Variants in FBLN1 observed in about 807,000 individuals in gnomAD.
FBLN1 encodes the protein fibulin-1.
Under a neutral mutation model 89.7 loss-of-function variants are expected in FBLN1, and 34 were observed. The ratio of observed to expected loss-of-function variants is 0.38; its 90% confidence interval spans 0.29 to 0.50. The LOEUF (loss-of-function observed/expected upper bound fraction) is 0.50, where lower values mean the gene tolerates loss of function less well. FBLN1 is among the 20% of genes least tolerant of loss of function. The probability of loss-of-function intolerance (pLI) is 0.92; values close to 1 mark genes in which losing one functional copy is unlikely to be tolerated. For synonymous variants in FBLN1, 393 were observed against 391.3 expected, an observed-to-expected ratio of 1.00 and a Z score of -0.05; for missense variants, 777 against 988.1, an observed-to-expected ratio of 0.79 and a Z score of 2.86.
chr22:45,504,977 G>A (rs574978468), intron 1 of FBLN1, among the ~76,000 whole-genome samples: 55 of 152,344 alleles, frequency 3.6e-4, no homozygotes, highest in African/African-American at 1.3e-3. Context: ...GGCCCCCGAA[G>A]CCCTGTATGT....
chr22:45,588,030 C>T lies in FBLN1; in HGVS notation c.1972+10922C>T, dbSNP rs933684278. Among the ~76,000 whole-genome samples the T allele has an allele frequency of 8.5e-5, 13 of 152,316 alleles. No individual in the cohort carries two copies. Among genetic ancestry groups the T allele is most frequent in the Admixed American group, 2.6e-4 (4 of 15,298 alleles). ...CAGCAGTGACTAAGGCAGACATGAA[C>T]GCCTCTCTCATACACTTTTTATCCC... On this transcript the variant is annotated intron_variant, in intron 16 of 16. Transcript: ENST00000327858. The surrounding 1 kb of genome is among the most constrained non-coding windows in gnomAD (Gnocchi z 5.1).
chr22:45,506,915 TACA>T (rs1271060079), intron 1 of FBLN1, among the ~76,000 whole-genome samples: 2 of 152,270 alleles, frequency 1.3e-5, no homozygotes, highest in South Asian at 2.1e-4. Context: ...GCATATTTTA[TACA>T]ACAAGATTTT....
intron 1 of FBLN1, among the ~76,000 whole-genome samples, chr22:45,514,433 C>T (rs536675213): frequency 6.6e-6 from 1 of 152,294 alleles, no homozygotes; most frequent in South Asian, 2.1e-4. Flanking sequence ...AAGATCGAGG[C>T]ACATCTCCAA....
chr22:45,558,479 G>C (rs2088816244), intron 14 of FBLN1: 1 of 163,390 alleles, frequency 6.1e-6, no homozygotes, highest in Non-Finnish European at 1.3e-5. Flanking sequence ...ATGGGGGCCT[G>C]CCAAAGGCTG....
chr22:45,514,094 T>C (rs1322862316), intron 1 of FBLN1, among the ~76,000 whole-genome samples: 1 of 152,164 alleles, frequency 6.6e-6, no homozygotes, highest in African/African-American at 2.4e-5. Flanking sequence ...AGCTTGTTTA[T>C]TTAAAAGGGG....
Position 45,562,871 on chromosome 22 carries a change from C to T in FBLN1, c.1698-11640C>T. On this transcript the variant is annotated intron_variant, in intron 14 of 16. Transcript: ENST00000327858. The surrounding 1 kb of genome is among the most constrained non-coding windows in gnomAD (Gnocchi z 7.8). ...GCCGTTTCTCCGCTTGCTGGACCGG[C>T]CCTAACCCTCTTCTTGTCTCTCTGC... 6.3e-7 allele frequency: 1 copy of T among 1,592,186 alleles called. No individual in the cohort carries two copies. Among genetic ancestry groups the T allele is most frequent in the Non-Finnish European group, 8.6e-7 (1 of 1,164,498 alleles).
chr22:45,591,338 C>T (rs2089134632), intron 16 of FBLN1, among the ~76,000 whole-genome samples: 1 of 147,730 alleles, frequency 6.8e-6, no homozygotes, highest in Admixed American at 6.6e-5. Context: ...AATGTTAGTT[C>T]CCACGCCACA....
chr22:45,514,021 G>C (rs1033004760), intron 1 of FBLN1, among the ~76,000 whole-genome samples: 1 of 152,060 alleles, frequency 6.6e-6, no homozygotes, highest in Non-Finnish European at 1.5e-5. Flanking sequence ...TCGAACTCCT[G>C]ACCTCATGAT....
At chr22:45,538,455 T>C (rs561828757) in intron 8 of FBLN1, among the ~76,000 whole-genome samples, 8 of 152,370 alleles carry the variant, frequency 5.3e-5, no homozygotes, top group South Asian at 2.1e-4. Flanking sequence ...TTGAGACTTT[T>C]TGTTTTTTTA....
rs894157213 is a variant in FBLN1 at position 45,531,420 on chromosome 22, C to T, written c.544+96C>T. 18 of 1,085,006 alleles carry T rather than the reference C, an allele frequency of 1.7e-5. No individual in the cohort carries two copies. Among genetic ancestry groups the T allele is most frequent in the Non-Finnish European group, 2.4e-5 (17 of 705,238 alleles). The allele number at this position is 1,085,006 out of a possible 1,614,324, so 67.2% of individuals were successfully genotyped here. A position where few individuals can be genotyped will look rare whatever the true frequency, so the allele number is the denominator to read the frequency against. The stretch of plus-strand genomic sequence containing the variant: ...CTGTAATCCTAGTACTTTGGGAAGC[C>T]AAGGCAGGAGGATTCCTTGAGCCCA... On this transcript the variant is annotated intron_variant, in intron 5 of 16. Transcript: ENST00000327858. This position sits in a 1 kb window ranked among gnomAD's most constrained non-coding sequence, Gnocchi z 4.9.
intron 16 of FBLN1, among the ~76,000 whole-genome samples, chr22:45,592,624 G>C (rs2089148672): frequency 6.6e-6 from 1 of 152,176 alleles, no homozygotes; most frequent in South Asian, 2.1e-4. Flanking sequence ...CACCACGCCC[G>C]GCCGCACATA....
At chr22:45,573,754 A>C (rs2088970719) in intron 14 of FBLN1, among the ~76,000 whole-genome samples, 1 of 148,572 alleles carries the variant, frequency 6.7e-6, no homozygotes. Flanking sequence ...GTTGGGTTGC[A>C]GGAGGGGTTG....
intron 14 of FBLN1, among the ~76,000 whole-genome samples, chr22:45,573,219 C>T (rs1327485710): frequency 4.0e-5 from 6 of 150,534 alleles, no homozygotes; most frequent in Non-Finnish European, 5.9e-5. Context: ...AGCAAAACTC[C>T]GTCTCAAATA....
At chr22:45,567,934 T>C (rs372910575) in intron 14 of FBLN1, among the ~76,000 whole-genome samples, 1 of 151,768 alleles carries the variant, frequency 6.6e-6, no homozygotes, top group African/African-American at 2.4e-5. Flanking sequence ...GGGGCCAGAG[T>C]GTGCACAGAG....
chr22:45,541,137 G>A, intron 8 of FBLN1, 92 bp from the exon 9 acceptor site: 10 of 1,535,728 alleles, frequency 6.5e-6, no homozygotes, highest in African/African-American at 2.7e-5. Context: ...TTGCAAAGAG[G>A]TGGGAAGGGG....
chr22:45,574,427 T>A lies in FBLN1; in HGVS notation c.1698-84T>A. On this transcript the variant is annotated intron_variant, in intron 14 of 16. Coordinates refer to ENST00000327858, the MANE Select transcript of FBLN1 (RefSeq NM_006486.3). This position sits in a 1 kb window ranked among gnomAD's most constrained non-coding sequence, Gnocchi z 4.1. ...GACAGATGCCCCTGCCCTGGCCACC[T>A]GCTCCTCCTCCCTAGACCTCGGCCC... is the stretch of plus-strand genomic sequence containing the variant. The A allele has an allele frequency of 2.0e-6, 3 of 1,510,744 alleles. No homozygotes were observed. Among genetic ancestry groups the A allele is most frequent in the Non-Finnish European group, 2.7e-6 (3 of 1,094,056 alleles). 93.6% of individuals were successfully genotyped at this position (1,510,744 alleles called of 1,614,324 possible). A position where few individuals can be genotyped will look rare whatever the true frequency, so the allele number is the denominator to read the frequency against.
rs2146671661 is a variant in FBLN1, at chr22:45,597,383, C to T, written c.1973-2924C>T. Among the ~76,000 whole-genome samples, 1 of 152,322 alleles carries T rather than the reference C, an allele frequency of 6.6e-6. No homozygotes were observed. Among genetic ancestry groups the T allele is most frequent in the South Asian group, 2.1e-4 (1 of 4,822 alleles). ...TGATTCACAGGCTCACCCAGCCTCT[C>T]CTTCTCCTTCAAGCCCCAAACCTCT... On this transcript the variant is annotated intron_variant, in intron 16 of 16. Transcript: ENST00000327858. The surrounding 1 kb of genome is among the most constrained non-coding windows in gnomAD (Gnocchi z 4.2).
chr22:45,568,594 AATGCTC>A (rs1470247383), intron 14 of FBLN1, among the ~76,000 whole-genome samples: 418 of 40,040 alleles, frequency 0.01, 23 homozygotes, highest in South Asian at 0.019. Flanking sequence ...CCTGTAGGGG[AATGCTC>A]CTTCTGTAAG....
In FBLN1 at chr22:45,588,751, T is replaced by C. The variant is rs1028561527; in HGVS notation, c.1973-11556T>C. ...TATCACCGGGCACATTCATAAATTA[T>C]TCTTTTTTAAAAATGAAATGTTTTA... On this transcript the variant is annotated intron_variant, in intron 16 of 16. Transcript: ENST00000327858. This position sits in a 1 kb window ranked among gnomAD's most constrained non-coding sequence, Gnocchi z 5.1. Among the ~76,000 whole-genome samples the C allele has an allele frequency of 2.0e-5, 3 of 151,966 alleles. No individual in the cohort carries two copies. The highest frequency in any genetic ancestry group is 7.3e-5 in the African/African-American group (3 of 41,354).
Sources: gnomAD v4.1 joint callset for allele counts (sites outside exome capture counted in the v4.1 genomes callset) on GRCh38, gnomAD v4.1.1 for gene constraint, Gnocchi (gnomAD v3.1) non-coding constraint, MANE v1.5 for transcripts, NCBI Gene and HGNC (gene_info 2026-07-23, HGNC 2026-07-21) for gene names.